The following LARP4 variants were observed in gnomAD, a reference collection of about 807,000 sequenced individuals.
LARP4 encodes la-related protein 4.
LARP4 carries 29 observed loss-of-function variants against 92.9 expected under a neutral mutation model. The ratio of observed to expected loss-of-function variants is 0.31; its 90% CI spans 0.23 to 0.43. The LOEUF is 0.43. Among genes scored for constraint, LARP4 ranks in the 20% least tolerant of loss-of-function variants. The pLI is 1.00. For synonymous variants in LARP4, 279 were observed against 284.1 expected (o/e 0.98, Z 0.18); for missense variants, 732 against 860.0 (o/e 0.85, Z 1.86).
At chr12:50,416,906 T>C (rs1946890485) in intron 1 of LARP4, among the ~76,000 whole-genome samples, 1 of 152,066 alleles carries the variant, frequency 6.6e-6, no homozygotes, top group Non-Finnish European at 1.5e-5. Context: ...AGGTTGAAGC[T>C]GCAGTGAGCT....
chr12:50,428,141 G>T (rs560960679), intron 2 of LARP4, among the ~76,000 whole-genome samples: 1 of 151,790 alleles, frequency 6.6e-6, no homozygotes, highest in Non-Finnish European at 1.5e-5. Context: ...GATTACAGGC[G>T]CCTGGCTTTA....
At chr12:50,404,239 C>T (rs1474880955) in intron 1 of LARP4, among the ~76,000 whole-genome samples, 1 of 152,050 alleles carries the variant, frequency 6.6e-6, no homozygotes, top group Non-Finnish European at 1.5e-5. Context: ...AAAAAAGAAA[C>T]TAAGGCACAT....
intron 8 of LARP4, among the ~76,000 whole-genome samples, chr12:50,445,661 G>A (rs1341360491): frequency 6.6e-6 from 1 of 151,932 alleles, no homozygotes; most frequent in Non-Finnish European, 1.5e-5. Context: ...TCATTTCTGT[G>A]GATTTGGGTT....
Position 50,423,110 on chromosome 12 carries a change from G to A in LARP4, c.19-4652G>A, listed in dbSNP as rs12308686. On this transcript the variant is annotated intron_variant, in intron 1 of 15. Coordinates refer to ENST00000398473, the MANE Select transcript of LARP4 (RefSeq NM_052879.5). Reference sequence around the variant, plus strand: ...GTTGGGATTACAGGCGTGAGCCACCGCGCCTGGCTGGAAAATTATTCTTAA... The same window carrying A: ...GTTGGGATTACAGGCGTGAGCCACCACGCCTGGCTGGAAAATTATTCTTAA... 1.3e-3 allele frequency among the ~76,000 whole-genome samples: 194 copies of A among 152,034 alleles called. 1 individual carries two copies. The highest frequency in any genetic ancestry group is 4.2e-3 in the African/African-American group (175 of 41,486).
At chr12:50,449,923 A>ATTTTTTTTTT (rs60763691) in intron 8 of LARP4, among the ~76,000 whole-genome samples, 2 of 47,044 alleles carry the variant, frequency 4.3e-5, no homozygotes, top group African/African-American at 8.5e-5. Flanking sequence ...AGCCATAGCA[A>ATTTTTTTTTT]TTTTTTTTTT....
At chr12:50,423,521 T>C (rs1251421329) in intron 1 of LARP4, among the ~76,000 whole-genome samples, 1 of 152,144 alleles carries the variant, frequency 6.6e-6, no homozygotes, top group Non-Finnish European at 1.5e-5. Context: ...TAATCTCGGC[T>C]CACCACAACC....
intron 1 of LARP4, among the ~76,000 whole-genome samples, chr12:50,413,706 T>C (rs1161123719): frequency 1.3e-5 from 2 of 152,188 alleles, no homozygotes; most frequent in East Asian, 3.8e-4. Flanking sequence ...ACTGTAATTA[T>C]AGATTCATGA....
intron 10 of LARP4, among the ~76,000 whole-genome samples, chr12:50,456,017 A>C (rs1361387922): frequency 6.6e-6 from 1 of 151,596 alleles, no homozygotes; most frequent in Non-Finnish European, 1.5e-5. Context: ...ATACCACTGC[A>C]CTCCAGCCTG....
chr12:50,423,571 C>T (rs963432240), intron 1 of LARP4, among the ~76,000 whole-genome samples: 1 of 152,118 alleles, frequency 6.6e-6, no homozygotes, highest in Non-Finnish European at 1.5e-5. Context: ...GCCTCAGCCT[C>T]CAGAGTAGCT....
intron 1 of LARP4, among the ~76,000 whole-genome samples, chr12:50,415,047 A>G (rs1946531083): frequency 6.6e-6 from 1 of 152,054 alleles, no homozygotes; most frequent in Non-Finnish European, 1.5e-5. Flanking sequence ...TACTAAACAT[A>G]CTTAAATTAG....
intron 15 of LARP4, among the ~76,000 whole-genome samples, chr12:50,474,795 T>C (rs1188465122): frequency 6.6e-6 from 1 of 152,224 alleles, no homozygotes; most frequent in Non-Finnish European, 1.5e-5. Flanking sequence ...ATGTGATACT[T>C]AACAAGTCTA....
At chr12:50,415,796 C>T (rs1478847427) in intron 1 of LARP4, 1 of 151,594 alleles carries the variant, frequency 6.6e-6, no homozygotes, top group Non-Finnish European at 1.5e-5. Context: ...TCAAGCATTC[C>T]TCCTGTCTCA....
chr12:50,447,992 G>A (rs986891314), intron 8 of LARP4, among the ~76,000 whole-genome samples: 5 of 151,956 alleles, frequency 3.3e-5, no homozygotes, highest in African/African-American at 1.2e-4. Context: ...TCAGCCTCCC[G>A]AGTAGCTGGG....
At chr12:50,474,252 A>G in intron 15 of LARP4, 85 bp downstream of exon 15, 1 of 1,104,744 alleles carries the variant, frequency 9.1e-7, no homozygotes, top group South Asian at 1.6e-5. Flanking sequence ...TTGTTAGAAC[A>G]GAGTCATTTG....
intron 1 of LARP4, among the ~76,000 whole-genome samples, chr12:50,409,306 A>T (rs1945413398): frequency 6.6e-6 from 1 of 152,176 alleles, no homozygotes; most frequent in South Asian, 2.1e-4. Context: ...TAAATTGAGG[A>T]CAATAATATG....
intron 8 of LARP4, among the ~76,000 whole-genome samples, chr12:50,445,073 C>CT (rs1167466865): frequency 4.8e-5 from 7 of 146,622 alleles, no homozygotes; most frequent in Non-Finnish European, 1.0e-4. Flanking sequence ...AATTTTTCTA[C>CT]TTTTTTTGTG....
chr12:50,403,248 C>T (rs952342856), intron 1 of LARP4, among the ~76,000 whole-genome samples: 3 of 152,160 alleles, frequency 2.0e-5, no homozygotes, highest in African/African-American at 4.8e-5. Flanking sequence ...AAGTAAGTAC[C>T]TAAGCTTGGT....
chr12:50,474,653 G>C (rs1448182608), intron 15 of LARP4, among the ~76,000 whole-genome samples: 1 of 152,054 alleles, frequency 6.6e-6, no homozygotes, highest in Non-Finnish European at 1.5e-5. Context: ...GGCCCATTCT[G>C]TTTCTTTTGA....
intron 1 of LARP4, among the ~76,000 whole-genome samples, chr12:50,419,514 T>C (rs1947385215): frequency 6.6e-6 from 1 of 152,208 alleles, no homozygotes; most frequent in Non-Finnish European, 1.5e-5. Flanking sequence ...GCACTACCTA[T>C]TATTTCCAAA....
Sources: allele counts gnomAD v4.1 joint callset (sites outside exome capture counted in the v4.1 genomes callset), GRCh38; gene constraint gnomAD v4.1.1; transcripts MANE v1.5; gene names NCBI Gene and HGNC (gene_info 2026-07-23, HGNC 2026-07-21).